ATP7B: variants seen among roughly 807,000 people sequenced by gnomAD.
ATP7B encodes ATPase copper transporting beta.
In ATP7B, 113 loss-of-function variants were observed where a neutral mutation model predicts 118.9. The observed-to-expected ratio is 0.95, with a 90% CI of 0.82 to 1.11. The LOEUF is 1.11. ATP7B is among the 50% of genes most tolerant of loss of function. ATP7B has a pLI of 0.00. For synonymous variants in ATP7B, 777 were observed against 727.4 expected, an observed-to-expected ratio of 1.07 and a Z score of -1.10; for missense variants, 1,867 against 1,871.4, an observed-to-expected ratio of 1.00 and a Z score of 0.04.
chr13:52,003,350 G>T (rs779113738), intron 1 of ATP7B, among the ~76,000 whole-genome samples: 1 of 152,136 alleles, frequency 6.6e-6, no homozygotes, highest in African/African-American at 2.4e-5. Flanking sequence ...ACCTGAGAGG[G>T]AGGGAGAGAC....
chr13:51,993,197 T>G (rs886559886), intron 1 of ATP7B, among the ~76,000 whole-genome samples: 1 of 152,148 alleles, frequency 6.6e-6, no homozygotes, highest in African/African-American at 2.4e-5. Context: ...TCTTTATACT[T>G]TTTTGTATTC....
intron 1 of ATP7B, among the ~76,000 whole-genome samples, chr13:51,992,347 G>A (rs1175958523): frequency 6.6e-6 from 1 of 152,172 alleles, no homozygotes; most frequent in Admixed American, 6.5e-5. Context: ...CAATGGAAAA[G>A]CAAGGACTTG....
intron 5 of ATP7B, among the ~76,000 whole-genome samples, chr13:51,964,448 A>G (rs138303223): frequency 7.5e-4 from 115 of 152,324 alleles, no homozygotes; most frequent in African/African-American, 2.7e-3. Context: ...CAAGCTCTCC[A>G]CAACAAGAGT....
In ATP7B at chr13:51,960,014, G is replaced by T. The variant is rs576453951; in HGVS notation, c.2121+134C>A. ...GAGAGAAAAAAAGCAGCAACTGCCT[G>T]GGTGGGGCAGGAAAGCTGCAATAAA... On this transcript the variant is annotated intron_variant, in intron 7 of 20. Transcript: ENST00000242839. 1.2e-4 allele frequency: 146 copies of T among 1,264,712 alleles called. 2 individuals are homozygous for T. In the South Asian group the frequency reaches 1.6e-3, roughly 14 times the overall value. 78.3% of individuals were successfully genotyped at this position (1,264,712 alleles called of 1,614,324 possible).
Position 51,946,639 on chromosome 13 carries a change from C to G in ATP7B, c.2866-161G>C, listed in dbSNP as rs1439345554. 3.9e-6 allele frequency: 3 copies of G among 776,704 alleles called. No homozygotes were observed. In the African/African-American group the frequency reaches 5.1e-5, roughly 13 times the overall value. The allele number at this position is 776,704 out of a possible 1,614,324, so 48.1% of individuals were successfully genotyped here. On this transcript the variant is annotated intron_variant, in intron 12 of 20. Coordinates refer to ENST00000242839, the MANE Select transcript of ATP7B (RefSeq NM_000053.4). ...CACACTGCTCTGCCATCATAGAGAA[C>G]ACGTTACTGCTCTCCACATCCCAGC...
At position 51,950,106 on chromosome 13, in the gene ATP7B, T is replaced by C; in HGVS notation, c.2631A>G (p.Ile877Met). 1.2e-6 allele frequency: 2 copies of C among 1,614,210 alleles called. No individual in the cohort carries two copies. The highest frequency in any genetic ancestry group is 1.7e-6 in the Non-Finnish European group (2 of 1,180,040). ...KPGSTVIAGSINAHGSVLIKA... is the reference protein window; with the variant it reads ...KPGSTVIAGSMNAHGSVLIKA... Reference sequence around the variant, plus strand: ...TAATGAGCACAGAGCCATGTGCATTTATAGACCCCGCAATTACAGTGCTTC... The same window carrying C: ...TAATGAGCACAGAGCCATGTGCATTCATAGACCCCGCAATTACAGTGCTTC... The change falls in exon 11 of 21, where the codon ATA becomes ATG. Residue 877 changes from isoleucine to methionine, a missense_variant. Coordinates refer to ENST00000242839, the MANE Select transcript of ATP7B (RefSeq NM_000053.4).
rs1187637012 is a variant in ATP7B, at chr13:51,967,251, T to G, written c.1707+1193A>C. The G allele has an allele frequency of 3.8e-6, 3 of 793,524 alleles. No individual in the cohort carries two copies. In the South Asian group the frequency reaches 4.9e-5, roughly 13 times the overall value. The allele number at this position is 793,524 out of a possible 1,614,324, so 49.2% of individuals were successfully genotyped here. A position where few individuals can be genotyped will look rare whatever the true frequency, so the allele number is the denominator to read the frequency against. On this transcript the variant is annotated intron_variant, in intron 4 of 20. Coordinates refer to ENST00000242839, the MANE Select transcript of ATP7B (RefSeq NM_000053.4). Reference sequence around the variant, plus strand: ...GTTTCTTTCTTTTTTTTTTCATTACTGTGTTCAATTATCTTTATCACAAAC... The same window carrying G: ...GTTTCTTTCTTTTTTTTTTCATTACGGTGTTCAATTATCTTTATCACAAAC...
intron 1 of ATP7B, among the ~76,000 whole-genome samples, chr13:51,978,611 G>C (rs1952242658): frequency 6.6e-6 from 1 of 151,996 alleles, no homozygotes. Flanking sequence ...ATCAATAAGA[G>C]GCTAGTTAAT....
chr13:52,008,848 C>A (rs1037418565), intron 1 of ATP7B, among the ~76,000 whole-genome samples: 3 of 151,420 alleles, frequency 2.0e-5, no homozygotes, highest in Admixed American at 1.3e-4. Context: ...ATGTCAATCC[C>A]TATCTTATTC....
intron 9 of ATP7B, among the ~76,000 whole-genome samples, chr13:51,952,186 C>CG (rs1029212713): frequency 1.3e-5 from 2 of 152,114 alleles, no homozygotes; most frequent in Admixed American, 1.3e-4. Context: ...AGAGATGCTG[C>CG]GGGGGGAGAG....
In ATP7B at chr13:51,961,932, G is replaced by A; in HGVS notation, c.1870-19C>T. The stretch of plus-strand genomic sequence containing the variant: ...CAATTTCCTTGTCATTAAAAAGAGA[G>A]GGGTGGGGAAAAAGGAGGAAGGTAC... On this transcript the variant is annotated intron_variant, in intron 5 of 20. Transcript: ENST00000242839. 8 of 1,602,386 alleles carry A rather than the reference G, an allele frequency of 5.0e-6. No individual in the cohort carries two copies. Among genetic ancestry groups the A allele is most frequent in the Non-Finnish European group, 6.8e-6 (8 of 1,169,740 alleles).
intron 20 of ATP7B, 140 bp downstream of exon 20, chr13:51,935,453 G>A (rs1209086937): frequency 1.1e-6 from 1 of 930,596 alleles, no homozygotes; most frequent in Non-Finnish European, 1.7e-6. Context: ...ATGCACACCA[G>A]GCTCCATGTG....
intron 6 of ATP7B, among the ~76,000 whole-genome samples, chr13:51,961,389 T>C (rs1958732471): frequency 1.3e-5 from 2 of 152,068 alleles, no homozygotes; most frequent in African/African-American, 4.8e-5. Context: ...CCATTTTCTT[T>C]CCACTCAGCC....
At chr13:51,997,970 C>T (rs769760918) in intron 1 of ATP7B, among the ~76,000 whole-genome samples, 2 of 152,210 alleles carry the variant, frequency 1.3e-5, no homozygotes, top group Non-Finnish European at 2.9e-5. Flanking sequence ...ACAGCCAAGG[C>T]ATGGGCCACC....
At chr13:51,937,708 G>A (rs1300234265) in intron 17 of ATP7B, 29 bp from the exon 18 acceptor site, 6 of 1,610,980 alleles carry the variant, frequency 3.7e-6, no homozygotes, top group Non-Finnish European at 5.1e-6. Flanking sequence ...AATGCCTAGT[G>A]TTGGCAAAAG....
chr13:51,984,921 T>C (rs1485615988), intron 1 of ATP7B, among the ~76,000 whole-genome samples: 1 of 152,160 alleles, frequency 6.6e-6, no homozygotes, highest in Non-Finnish European at 1.5e-5. Flanking sequence ...AGGGAAGCAC[T>C]AAACATGGAA....
At chr13:51,948,325 A>C (rs992779200) in intron 12 of ATP7B, among the ~76,000 whole-genome samples, 7 of 152,160 alleles carry the variant, frequency 4.6e-5, no homozygotes, top group Non-Finnish European at 2.9e-5. Flanking sequence ...ATCATAGCAC[A>C]CTACAGCCTC....
Position 51,934,875 on chromosome 13 carries a change from G to A in ATP7B, c.4279C>T (p.Gln1427Ter). ...GACGTCAGGGAGGACAGCGACACCT[G>A]GCTGACATAGCTGACCTGGTCCCAT... ...TPWDQVSYVS[Q>*]VSLSSLTSDK... is the part of the protein sequence containing the mutation. Residue 1427 changes from glutamine (Q) to a stop codon, truncating the protein, a stop_gained, in exon 21 of 21, where the codon CAG (glutamine) becomes TAG (stop). Transcript: ENST00000242839. LOFTEE classifies it high-confidence loss of function. The A allele has an allele frequency of 6.2e-7, 1 of 1,614,202 alleles. No individual in the cohort carries two copies. Among genetic ancestry groups the A allele is most frequent in the Non-Finnish European group, 8.5e-7 (1 of 1,180,054 alleles).
intron 7 of ATP7B, 135 bp from the exon 8 acceptor site, chr13:51,958,679 TGG>T (rs1171497685): frequency 1.3e-6 from 1 of 755,808 alleles, no homozygotes; most frequent in Non-Finnish European, 2.3e-6. Flanking sequence ...TCCTCTGTGA[TGG>T]GCGTTTATGA....
Sources: gnomAD v4.1 joint callset for allele counts (sites outside exome capture counted in the v4.1 genomes callset) on GRCh38, gnomAD v4.1.1 for gene constraint, MANE v1.5 for transcripts, NCBI Gene and HGNC (gene_info 2026-07-23, HGNC 2026-07-21) for gene names.